Variants in PUM2 observed in about 807,000 individuals in gnomAD.
The protein encoded by PUM2 is pumilio RNA binding family member 2.
Under a neutral mutation model 124.5 loss-of-function variants are expected in PUM2, and 57 were observed. The ratio of observed to expected loss-of-function variants is 0.46; its 90% CI spans 0.37 to 0.57. The LOEUF (loss-of-function observed/expected upper bound fraction) is 0.57, where lower values mean the gene tolerates loss of function less well. PUM2 is among the 20% of genes least tolerant of loss of function. The probability of loss-of-function intolerance (pLI) is 0.00; values close to 1 mark genes in which losing one functional copy is unlikely to be tolerated. For synonymous variants in PUM2, 460 were observed against 446.1 expected, an observed-to-expected ratio of 1.03 and a Z score of -0.39; for missense variants, 1,065 against 1,290.6, an observed-to-expected ratio of 0.83 and a Z score of 2.68.
chr2:20,282,655 T>C (rs1671803092), intron 12 of PUM2, among the ~76,000 whole-genome samples: 3 of 152,122 alleles, frequency 2.0e-5, no homozygotes, highest in Non-Finnish European at 4.4e-5. Flanking sequence ...GAATAATATA[T>C]TGACCCAAAT....
In PUM2 at chr2:20,344,621, C is replaced by T. The variant is rs540585539; in HGVS notation, c.-19+5976G>A. Among the ~76,000 whole-genome samples the T allele has an allele frequency of 4.6e-5, 7 of 152,272 alleles. No homozygotes were observed. In the South Asian group the frequency reaches 6.2e-4, roughly 14 times the overall value. On this transcript the variant is annotated intron_variant, in intron 1 of 20. Coordinates refer to ENST00000361078, the MANE Select transcript of PUM2 (RefSeq NM_015317.5). Reference sequence around the variant, plus strand: ...TCATTCTACCCTATCAGGATTACTACGGCTATTAATCCCTCTGGCTGAATG... The same window carrying T: ...TCATTCTACCCTATCAGGATTACTATGGCTATTAATCCCTCTGGCTGAATG...
At chr2:20,336,691 G>GTGTGTC (rs1686120555) in intron 1 of PUM2, among the ~76,000 whole-genome samples, 1 of 141,600 alleles carries the variant, frequency 7.1e-6, no homozygotes, top group South Asian at 2.1e-4. Context: ...TTGTGTGTGT[G>GTGTGTC]TGTGTGTGTG....
chr2:20,324,938 TA>T (rs35178527), intron 2 of PUM2, among the ~76,000 whole-genome samples: 5,753 of 141,704 alleles, frequency 0.041, 137 homozygotes, highest in African/African-American at 0.081. Flanking sequence ...CGTTTTGCAT[TA>T]AAAAAAAAAA....
In PUM2 at chr2:20,281,043, G is replaced by A. The variant is rs537901820; in HGVS notation, c.1720+1904C>T. 2.0e-5 allele frequency among the ~76,000 whole-genome samples: 3 copies of A among 152,172 alleles called. No homozygotes were observed. In the South Asian group the frequency reaches 6.2e-4, roughly 32 times the overall value. On this transcript the variant is annotated intron_variant, in intron 12 of 20. Transcript: ENST00000361078. Reference sequence around the variant, plus strand: ...GCACACAACCATATTATGTTTTAGAGCTCATGTAAGTATGTAATTGCCATA... The same window carrying A: ...GCACACAACCATATTATGTTTTAGAACTCATGTAAGTATGTAATTGCCATA...
intron 12 of PUM2, among the ~76,000 whole-genome samples, chr2:20,280,372 A>C (rs928639360): frequency 6.6e-6 from 1 of 152,186 alleles, no homozygotes; most frequent in Non-Finnish European, 1.5e-5. Context: ...AATTATAAGC[A>C]CATGTAATAA....
At chr2:20,280,802 G>A (rs571549269) in intron 12 of PUM2, among the ~76,000 whole-genome samples, 3 of 152,118 alleles carry the variant, frequency 2.0e-5, no homozygotes, top group East Asian at 3.9e-4. Context: ...ATCATTCATC[G>A]ACTGTGAAAA....
intron 14 of PUM2, among the ~76,000 whole-genome samples, chr2:20,262,668 A>C (rs1434559987): frequency 1.3e-5 from 2 of 152,256 alleles, no homozygotes. Context: ...TAAATTTATC[A>C]AATGTGTTAC....
chr2:20,275,807 G>A (rs1486850560), intron 13 of PUM2, among the ~76,000 whole-genome samples: 1 of 151,640 alleles, frequency 6.6e-6, no homozygotes, highest in Non-Finnish European at 1.5e-5. Flanking sequence ...ATAGGATAAA[G>A]TTTCTTCATC....
chr2:20,350,537 G>C, intron 1 of PUM2, 60 bp downstream of exon 1: 3 of 985,658 alleles, frequency 3.0e-6, no homozygotes, highest in Non-Finnish European at 3.6e-6. Context: ...CACAAAGCCT[G>C]GGGAGCCATC....
At chr2:20,328,414 C>T (rs1368518498) in intron 1 of PUM2, among the ~76,000 whole-genome samples, 2 of 152,096 alleles carry the variant, frequency 1.3e-5, no homozygotes, top group Non-Finnish European at 2.9e-5. Context: ...TTCAATACAT[C>T]AATCATGAAG....
chr2:20,257,764 C>A (rs756584319), intron 16 of PUM2, among the ~76,000 whole-genome samples: 1 of 152,012 alleles, frequency 6.6e-6, no homozygotes, highest in Non-Finnish European at 1.5e-5. Context: ...TTTACGTGTT[C>A]TTGTTTTTCT....
Position 20,290,633 on chromosome 2 carries a change from C to G in PUM2, c.1291+19G>C, listed in dbSNP as rs778481588. ...CATCTGAAATCTATTCAAATTTCCA[C>G]AAATGACCAATTGTATACCTGGCAT... is the stretch of plus-strand genomic sequence containing the variant. On this transcript the variant is annotated intron_variant, in intron 10 of 20. Transcript: ENST00000361078. 1 of 1,590,022 alleles carries G rather than the reference C, an allele frequency of 6.3e-7. No individual in the cohort carries two copies. The highest frequency in any genetic ancestry group is 1.9e-5 in the Admixed American group (1 of 53,866).
At chr2:20,260,123 A>G (rs2148508869) in intron 15 of PUM2, among the ~76,000 whole-genome samples, 1 of 152,258 alleles carries the variant, frequency 6.6e-6, no homozygotes, top group Non-Finnish European at 1.5e-5. Flanking sequence ...TCCATTTGTC[A>G]TTTGGGTTGT....
At chr2:20,297,478 G>A in intron 8 of PUM2, 75 bp downstream of exon 8, 1 of 1,300,888 alleles carries the variant, frequency 7.7e-7, no homozygotes, top group Non-Finnish European at 1.0e-6. Flanking sequence ...CCCAAATAGA[G>A]AAAAATAAAG....
intron 14 of PUM2, among the ~76,000 whole-genome samples, chr2:20,262,031 G>A (rs1666420609): frequency 6.6e-6 from 1 of 152,090 alleles, no homozygotes; most frequent in Non-Finnish European, 1.5e-5. Context: ...GGAGGTTGAG[G>A]TTGCAGTGAG....
At chr2:20,264,391 T>TATATATATATATATATATATAC (rs1553362410) in intron 13 of PUM2, among the ~76,000 whole-genome samples, 3 of 117,296 alleles carry the variant, frequency 2.6e-5, no homozygotes, top group African/African-American at 1.0e-4. Context: ...TATATATATA[T>TATATATATATATATATATATAC]ATATATTTGA....
In PUM2 at chr2:20,280,682, G is replaced by A. The variant is rs542652865; in HGVS notation, c.1721-1863C>T. On this transcript the variant is annotated intron_variant, in intron 12 of 20. Transcript: ENST00000361078. ...ATTCAGAAATAACCTTAAATATAAAGAAGCTGGCTCTTTAAGTTTTACTAT... is the reference window on the plus strand; with the variant it reads ...ATTCAGAAATAACCTTAAATATAAAAAAGCTGGCTCTTTAAGTTTTACTAT... 1.3e-3 allele frequency among the ~76,000 whole-genome samples: 198 copies of A among 152,146 alleles called. 1 individual carries two copies. The highest frequency in any genetic ancestry group is 3.4e-3 in the Middle Eastern group (1 of 294).
At chr2:20,344,198 G>C (rs1165528813) in intron 1 of PUM2, among the ~76,000 whole-genome samples, 2 of 152,144 alleles carry the variant, frequency 1.3e-5, no homozygotes, top group Admixed American at 6.5e-5. Flanking sequence ...CTCCCAGGTA[G>C]CTGGGACTAC....
chr2:20,260,095 G>A (rs1205585251), intron 15 of PUM2, among the ~76,000 whole-genome samples: 1 of 152,156 alleles, frequency 6.6e-6, no homozygotes, highest in East Asian at 1.9e-4. Flanking sequence ...ATAGAGAAAT[G>A]TCTGTGCAAG....
Sources: gnomAD v4.1 joint callset for allele counts (sites outside exome capture counted in the v4.1 genomes callset) on GRCh38, gnomAD v4.1.1 for gene constraint, MANE v1.5 for transcripts, NCBI Gene and HGNC (gene_info 2026-07-23, HGNC 2026-07-21) for gene names.